The following TENM3 variants were observed in gnomAD, a reference collection of about 807,000 sequenced individuals.
The protein encoded by TENM3 is teneurin-3.
TENM3 carries 63 observed loss-of-function variants against 255.1 expected under a neutral mutation model. The ratio of observed to expected loss-of-function variants is 0.25; its 90% CI spans 0.20 to 0.30. The LOEUF (loss-of-function observed/expected upper bound fraction) is 0.30, where lower values mean the gene tolerates loss of function less well. Among genes scored for constraint, TENM3 ranks in the 10% least tolerant of loss-of-function variants. TENM3 has a pLI of 1.00. For missense variants in TENM3, 2,929 were observed against 3,461.1 expected (o/e 0.85, Z 3.86); for synonymous variants, 1,306 against 1,322.3 (o/e 0.99, Z 0.27).
intron 3 of TENM3, among the ~76,000 whole-genome samples, chr4:182,441,002 G>A (rs767530381): frequency 7.9e-5 from 12 of 152,076 alleles, no homozygotes; most frequent in Non-Finnish European, 1.5e-5. Flanking sequence ...ATTGCCCTCA[G>A]TAAACAATGT....
chr4:182,198,246 G>T (rs1379113919), intron 1 of TENM3, among the ~76,000 whole-genome samples: 1 of 152,216 alleles, frequency 6.6e-6, no homozygotes, highest in African/African-American at 2.4e-5. Context: ...AGGTTCATTT[G>T]CACGAATAAA....
At chr4:182,033,873 C>T in the TENM3 span, among the ~76,000 whole-genome samples, 2 of 152,166 alleles carry the variant, frequency 1.3e-5, no homozygotes, top group Non-Finnish European at 2.9e-5. Flanking sequence ...CATTTTTCTG[C>T]TTTTCATTTG....
chr4:182,726,762 C>T (rs1270787881), intron 13 of TENM3, among the ~76,000 whole-genome samples: 1 of 152,120 alleles, frequency 6.6e-6, no homozygotes, highest in Non-Finnish European at 1.5e-5. Context: ...TGAGCCAGGC[C>T]TTCTCACGTC....
At chr4:181,663,347 C>T in the TENM3 span, among the ~76,000 whole-genome samples, 4 of 152,108 alleles carry the variant, frequency 2.6e-5, no homozygotes, top group African/African-American at 4.8e-5. Context: ...CTATCTAACA[C>T]GGGAGCAACA....
chr4:182,012,922 G>C, the TENM3 span: 1 of 151,998 alleles, frequency 6.6e-6, no homozygotes, highest in Admixed American at 6.6e-5. Flanking sequence ...CCTGTAGCAA[G>C]CATCCATCTT....
chr4:182,109,287 T>A, the TENM3 span, among the ~76,000 whole-genome samples: 1 of 149,130 alleles, frequency 6.7e-6, no homozygotes, highest in African/African-American at 2.4e-5. Flanking sequence ...ACATATAGTA[T>A]AATATATATG....
At chr4:182,396,935 C>T (rs1189052582) in intron 3 of TENM3, among the ~76,000 whole-genome samples, 1 of 151,650 alleles carries the variant, frequency 6.6e-6, no homozygotes, top group African/African-American at 2.4e-5. Flanking sequence ...GCCCTCCAAC[C>T]TAGGTGACAG....
chr4:182,689,791 G>A (rs1376749284), intron 12 of TENM3, among the ~76,000 whole-genome samples: 1 of 152,216 alleles, frequency 6.6e-6, no homozygotes, highest in Non-Finnish European at 1.5e-5. Context: ...TGCGGCCCAG[G>A]ACAGCTTTGA....
the TENM3 span, among the ~76,000 whole-genome samples, chr4:181,922,128 C>A: frequency 2.0e-5 from 3 of 152,098 alleles, no homozygotes; most frequent in Non-Finnish European, 4.4e-5. Flanking sequence ...CTGCTGGATT[C>A]AGTTTGCCAG....
chr4:181,482,288 C>T, the TENM3 span, among the ~76,000 whole-genome samples: 1 of 152,116 alleles, frequency 6.6e-6, no homozygotes, highest in African/African-American at 2.4e-5. Flanking sequence ...ATCAGTCTCA[C>T]ACATTTATTA....
At chr4:181,922,329 C>G in the TENM3 span, among the ~76,000 whole-genome samples, 10 of 152,104 alleles carry the variant, frequency 6.6e-5, no homozygotes, top group African/African-American at 2.4e-4. Context: ...CTCCTTGTAC[C>G]TCTGGTAGAA....
chr4:181,933,831 T>C, the TENM3 span, among the ~76,000 whole-genome samples: 1 of 152,210 alleles, frequency 6.6e-6, no homozygotes, highest in East Asian at 1.9e-4. Flanking sequence ...TATTGTAGAA[T>C]TGAATAGTTA....
chr4:182,544,965 A>G (rs1040514205), intron 3 of TENM3, among the ~76,000 whole-genome samples: 2 of 152,238 alleles, frequency 1.3e-5, no homozygotes, highest in African/African-American at 2.4e-5. Context: ...CAGCGCATCA[A>G]AATCTTCAAC....
chr4:181,857,575 AC>A, the TENM3 span, among the ~76,000 whole-genome samples: 4,881 of 39,214 alleles, frequency 0.12, 97 homozygotes, highest in Non-Finnish European at 0.14. Context: ...AAAAAAAAAA[AC>A]AAAACAAAAC....
chr4:181,645,913 C>A, the TENM3 span, among the ~76,000 whole-genome samples: 1 of 152,200 alleles, frequency 6.6e-6, no homozygotes, highest in Non-Finnish European at 1.5e-5. Flanking sequence ...TTTAAAAAAA[C>A]CCACCTAAAT....
At chr4:182,379,304 C>CT (rs1767403715) in intron 3 of TENM3, among the ~76,000 whole-genome samples, 3 of 33,196 alleles carry the variant, frequency 9.0e-5, no homozygotes, top group African/African-American at 2.9e-4. Flanking sequence ...TTGCAGTGAG[C>CT]CGAGATTCTG....
At chr4:182,531,850 C>T (rs928990051) in intron 3 of TENM3, among the ~76,000 whole-genome samples, 2 of 152,208 alleles carry the variant, frequency 1.3e-5, no homozygotes, top group Non-Finnish European at 1.5e-5. Context: ...TCAGCATAAA[C>T]TGCACTGTGT....
At chr4:181,919,366 G>A in the TENM3 span, among the ~76,000 whole-genome samples, 1 of 111,004 alleles carries the variant, frequency 9.0e-6, no homozygotes, top group African/African-American at 4.1e-5. Context: ...CCCAGCAGAA[G>A]CAAAGCAGGT....
intron 1 of TENM3, among the ~76,000 whole-genome samples, chr4:182,158,233 G>A (rs1164576205): frequency 6.6e-6 from 1 of 152,212 alleles, no homozygotes; most frequent in Non-Finnish European, 1.5e-5. Context: ...AATGCCAGAA[G>A]ATGGATTGTG....
Sources: allele counts gnomAD v4.1 joint callset (sites outside exome capture counted in the v4.1 genomes callset), GRCh38; gene constraint gnomAD v4.1.1; transcripts MANE v1.5; gene names NCBI Gene and HGNC (gene_info 2026-07-23, HGNC 2026-07-21).